The following KAZN variants were observed in gnomAD, a reference collection of about 807,000 sequenced individuals.
The protein encoded by KAZN is kazrin, periplakin interacting protein.
KAZN carries 40 observed loss-of-function variants against 87.4 expected under a neutral mutation model. The ratio of observed to expected loss-of-function variants is 0.46; its 90% CI spans 0.36 to 0.60. The LOEUF is 0.60. Among genes scored for constraint, KAZN ranks in the 20% least tolerant of loss-of-function variants. The pLI is 0.00. For synonymous variants in KAZN, 466 were observed against 458.3 expected (o/e 1.02, Z -0.22); for missense variants, 898 against 1,073.9 (o/e 0.84, Z 2.29).
rs572306729 is a variant in KAZN at position 13,910,470 on chromosome 1, C to T, written c.91+16714C>T. 9.0e-4 allele frequency among the ~76,000 whole-genome samples: 136 copies of T among 151,814 alleles called. 1 individual carries two copies. Among genetic ancestry groups the T allele is most frequent in the African/African-American group, 3.1e-3 (128 of 41,404 alleles). ...TTGCAGTGAGCTGAGATCATACCAC[C>T]GCACTCCAGCCTGGCAACAGAGTGA... On this transcript the variant is annotated intron_variant, in intron 1 of 16. Transcript: ENST00000636203.
intron 2 of KAZN, among the ~76,000 whole-genome samples, chr1:14,406,715 T>C (rs1663882380): frequency 1.3e-5 from 2 of 152,092 alleles, no homozygotes. Flanking sequence ...AATGATTAAA[T>C]AAACAAGTAT....
chr1:14,905,850 AT>A (rs1391046154), intron 1 of KAZN, among the ~76,000 whole-genome samples: 3 of 83,896 alleles, frequency 3.6e-5, no homozygotes, highest in African/African-American at 2.1e-4. Flanking sequence ...CTCAAAAATA[AT>A]AATAATAATA....
intron 1 of KAZN, among the ~76,000 whole-genome samples, chr1:14,600,160 T>A (rs1166875320): frequency 6.6e-6 from 1 of 152,290 alleles, no homozygotes; most frequent in Non-Finnish European, 1.5e-5. Context: ...GTTATTAATA[T>A]CATTTGAATT....
intron 1 of KAZN, among the ~76,000 whole-genome samples, chr1:14,799,589 C>G (rs1012015320): frequency 6.6e-6 from 1 of 152,164 alleles, no homozygotes. Flanking sequence ...AGAAACGGGC[C>G]TGGCCAGAGC....
rs140549710 is a variant in KAZN at position 14,785,222 on chromosome 1, G to A, written c.227-175462G>A. 2.7e-3 allele frequency among the ~76,000 whole-genome samples: 408 copies of A among 152,256 alleles called. 1 individual carries two copies. Among genetic ancestry groups the A allele is most frequent in the African/African-American group, 9.2e-3 (381 of 41,540 alleles). On this transcript the variant is annotated intron_variant, in intron 1 of 14. Coordinates refer to ENST00000376030, the MANE Select transcript of KAZN (RefSeq NM_201628.3). The stretch of plus-strand genomic sequence containing the variant: ...AAAAAAGTTGACAGCCAAGCCTTGG[G>A]AAAACTGGGAAGCAAGCAAGGCAGC...
chr1:15,109,139 C>T (rs972220696), intron 13 of KAZN, among the ~76,000 whole-genome samples: 2 of 152,178 alleles, frequency 1.3e-5, no homozygotes, highest in African/African-American at 4.8e-5. Context: ...AATCACACCA[C>T]TTTGGGAGGT....
intron 1 of KAZN, among the ~76,000 whole-genome samples, chr1:14,689,329 G>C (rs924057093): frequency 2.0e-5 from 3 of 152,228 alleles, no homozygotes; most frequent in African/African-American, 7.2e-5. Context: ...CTGTCTGGCA[G>C]TGACTCCCAC....
rs1316894425 is a variant in KAZN at position 14,637,952 on chromosome 1, C to G, written c.226+38729C>G. On this transcript the variant is annotated intron_variant, in intron 1 of 14. Coordinates refer to ENST00000376030, the MANE Select transcript of KAZN (RefSeq NM_201628.3). ...CATTCTGGGAGGTCTGGGGGAGAGA[C>G]TATCCCACACCTCTCTCCCCGTCTC... Among the ~76,000 whole-genome samples the G allele has an allele frequency of 2.6e-5, 4 of 152,028 alleles. No homozygotes were observed. The East Asian group carries it at 7.7e-4, about 29-fold the overall frequency.
At chr1:14,541,124 C>T (rs1430626877) in intron 2 of KAZN, among the ~76,000 whole-genome samples, 1 of 151,436 alleles carries the variant, frequency 6.6e-6, no homozygotes, top group Non-Finnish European at 1.5e-5. Context: ...AAGTGTAGCT[C>T]TCCCAAGATC....
intron 1 of KAZN, among the ~76,000 whole-genome samples, chr1:14,761,978 G>A (rs569644545): frequency 2.0e-5 from 3 of 150,250 alleles, no homozygotes; most frequent in African/African-American, 7.4e-5. Flanking sequence ...CATCCTGTGT[G>A]TGACGTGATC....
chr1:14,580,525 T>C (rs1413404024), intron 2 of KAZN, among the ~76,000 whole-genome samples: 1 of 151,514 alleles, frequency 6.6e-6, no homozygotes, highest in Non-Finnish European at 1.5e-5. Flanking sequence ...TAAAGTATAT[T>C]AATAGCGCAG....
At chr1:14,392,774 ACTAGTTAAGAATTG>A (rs1188301723) in intron 2 of KAZN, among the ~76,000 whole-genome samples, 4 of 152,132 alleles carry the variant, frequency 2.6e-5, no homozygotes, top group Non-Finnish European at 5.9e-5. Context: ...ACAAAACTGC[ACTAGTTAAGAATTG>A]CTAGTTTAGC....
At chr1:13,996,065 C>T (rs1004289462) in intron 1 of KAZN, among the ~76,000 whole-genome samples, 5 of 149,370 alleles carry the variant, frequency 3.3e-5, no homozygotes, top group South Asian at 2.2e-4. Flanking sequence ...GCCTGATCCA[C>T]GGAGAGGAAG....
chr1:15,002,126 C>T (rs562664990), intron 2 of KAZN, among the ~76,000 whole-genome samples: 3 of 152,156 alleles, frequency 2.0e-5, no homozygotes, highest in African/African-American at 4.8e-5. Flanking sequence ...GTGATCCACC[C>T]GCCTCGTCCT....
chr1:15,066,048 C>T lies in KAZN; in HGVS notation c.1222+295C>T, dbSNP rs1239887130. ...GTGTGTGAACCTGTCAACTCTCTGT[C>T]GTCTTTGGAGCGATACAGTTGTGTT... On this transcript the variant is annotated intron_variant, in intron 8 of 14. Coordinates refer to ENST00000376030, the MANE Select transcript of KAZN (RefSeq NM_201628.3). The surrounding 1 kb of genome is among the most constrained non-coding windows in gnomAD (Gnocchi z 4.3). 1.8e-5 allele frequency: 22 copies of T among 1,221,270 alleles called. No homozygotes were observed. The highest frequency in any genetic ancestry group is 1.0e-5 in the Non-Finnish European group (10 of 980,432). 75.7% of individuals were successfully genotyped at this position (1,221,270 alleles called of 1,614,324 possible).
At chr1:14,005,634 T>A (rs568344312) in intron 1 of KAZN, among the ~76,000 whole-genome samples, 94 of 152,324 alleles carry the variant, frequency 6.2e-4, no homozygotes, top group African/African-American at 2.2e-3. Flanking sequence ...ACTGACTCTT[T>A]TAGATAAAGA....
At chr1:15,017,954 T>G (rs59870307) in intron 2 of KAZN, among the ~76,000 whole-genome samples, 2,564 of 152,270 alleles carry the variant, frequency 0.017, 71 homozygotes, top group African/African-American at 0.059. Flanking sequence ...GTGTGCAAAT[T>G]TTCACATATA....
At chr1:14,909,224 A>G (rs2101366246) in intron 1 of KAZN, among the ~76,000 whole-genome samples, 1 of 152,290 alleles carries the variant, frequency 6.6e-6, no homozygotes, top group Non-Finnish European at 1.5e-5. Flanking sequence ...GCTATACATG[A>G]GAGTTATTAT....
At chr1:15,069,412 G>A (rs748812014) in intron 8 of KAZN, among the ~76,000 whole-genome samples, 7 of 152,174 alleles carry the variant, frequency 4.6e-5, no homozygotes, top group African/African-American at 7.2e-5. Context: ...CCTAGCTATC[G>A]TGCCTCTCAT....
Sources: allele counts gnomAD v4.1 joint callset (sites outside exome capture counted in the v4.1 genomes callset), GRCh38; gene constraint gnomAD v4.1.1; non-coding constraint Gnocchi (gnomAD v3.1); transcripts MANE v1.5; gene names NCBI Gene and HGNC (gene_info 2026-07-23, HGNC 2026-07-21).